The following DPYSL4 variants were observed in gnomAD, a reference collection of about 807,000 sequenced individuals.
The protein encoded by DPYSL4 is dihydropyrimidinase-related protein 4.
Under a neutral mutation model 63.4 loss-of-function variants are expected in DPYSL4, and 43 were observed. The ratio of observed to expected loss-of-function variants is 0.68; its 90% CI spans 0.53 to 0.88. The LOEUF (loss-of-function observed/expected upper bound fraction) is 0.88. Ranked by LOEUF, DPYSL4 falls within the 40% of genes least tolerant of loss-of-function variation. The pLI is 0.00. For missense variants in DPYSL4, 733 were observed against 819.5 expected (o/e 0.89, Z 1.29); for synonymous variants, 353 against 331.7 (o/e 1.06, Z -0.70).
intron 3 of DPYSL4, among the ~76,000 whole-genome samples, chr10:132,194,533 C>T (rs781000784): frequency 2.0e-5 from 3 of 152,204 alleles, no homozygotes; most frequent in East Asian, 1.9e-4. Flanking sequence ...GGCAAAGCCC[C>T]GACCTCCTGT....
At chr10:132,199,474 G>C (rs537640353) in intron 8 of DPYSL4, among the ~76,000 whole-genome samples, 70 of 152,148 alleles carry the variant, frequency 4.6e-4, no homozygotes, top group African/African-American at 1.6e-3. Flanking sequence ...AGGCTACTGG[G>C]CTCAGAGGGT....
chr10:132,203,584 A>C, intron 12 of DPYSL4, 178 bp from the exon 13 acceptor site: 1 of 601,658 alleles, frequency 1.7e-6, no homozygotes, highest in Non-Finnish European at 2.9e-6. Flanking sequence ...GCGTGTGTGA[A>C]CTTGGGTTGA....
chr10:132,195,213 G>C (rs555961485), intron 4 of DPYSL4, among the ~76,000 whole-genome samples: 3 of 152,252 alleles, frequency 2.0e-5, no homozygotes, highest in African/African-American at 7.2e-5. Flanking sequence ...CAATCCGAGG[G>C]ACCCATCCTG....
intron 13 of DPYSL4, among the ~76,000 whole-genome samples, chr10:132,204,348 G>A (rs1212836134): frequency 6.6e-6 from 1 of 152,184 alleles, no homozygotes; most frequent in East Asian, 1.9e-4. Flanking sequence ...GGGCCTGGAG[G>A]GATACACGAG....
intron 3 of DPYSL4, among the ~76,000 whole-genome samples, chr10:132,194,114 G>A (rs1042340371): frequency 3.9e-5 from 6 of 152,254 alleles, no homozygotes; most frequent in African/African-American, 7.2e-5. Context: ...TGTCTTCCTC[G>A]GCCTGCAGGC....
At chr10:132,202,541 G>C in intron 11 of DPYSL4, 105 bp from the exon 12 acceptor site, 3 of 1,444,898 alleles carry the variant, frequency 2.1e-6, no homozygotes, top group Non-Finnish European at 2.8e-6. Context: ...TAGGCACACC[G>C]GGCCTGCTCC....
chr10:132,187,324 AGGCCCGGCCC>A (rs371014123), intron 1 of DPYSL4, among the ~76,000 whole-genome samples: 7 of 149,304 alleles, frequency 4.7e-5, no homozygotes, highest in African/African-American at 1.5e-4. Context: ...CGGGGCGCCC[AGGCCCGGCCC>A]GGCCCGGCCC....
chr10:132,198,334 G>A (rs145948779), intron 6 of DPYSL4, 81 bp from the exon 7 acceptor site: 6 of 1,416,556 alleles, frequency 4.2e-6, no homozygotes, highest in Non-Finnish European at 5.8e-6. Context: ...TGGGGAATGG[G>A]GCCTCCCAGC....
intron 4 of DPYSL4, among the ~76,000 whole-genome samples, chr10:132,196,274 GGA>G (rs2061943114): frequency 6.6e-6 from 1 of 152,202 alleles, no homozygotes; most frequent in Non-Finnish European, 1.5e-5. Context: ...CCAGGAAACA[GGA>G]GAGCTCAGCC....
intron 2 of DPYSL4, 152 bp from the exon 3 acceptor site, chr10:132,192,506 C>T (rs940899072): frequency 3.5e-5 from 49 of 1,399,506 alleles, no homozygotes; most frequent in South Asian, 1.0e-4. Flanking sequence ...CTGGCACTCC[C>T]GAGGAGCTAG....
intron 10 of DPYSL4, 31 bp downstream of exon 10, chr10:132,201,014 C>G: frequency 6.2e-7 from 1 of 1,608,362 alleles, no homozygotes; most frequent in Non-Finnish European, 8.5e-7. Flanking sequence ...GGCACGCCGT[C>G]TGGGGAGCGG....
intron 7 of DPYSL4, 58 bp from the exon 8 acceptor site, chr10:132,198,793 C>T: frequency 1.9e-6 from 3 of 1,599,772 alleles, no homozygotes; most frequent in African/African-American, 2.7e-5. Context: ...CCATTGCCCA[C>T]ACTGGTCTGG....
chr10:132,189,115 G>A (rs1383439173), intron 1 of DPYSL4, among the ~76,000 whole-genome samples: 1 of 152,220 alleles, frequency 6.6e-6, no homozygotes, highest in East Asian at 1.9e-4. Flanking sequence ...GAAGGCTCTA[G>A]CCCCAGGCTA....
chr10:132,203,751 C>A lies in DPYSL4; in HGVS notation c.1462-11C>A, dbSNP rs773827619. On this transcript the variant is annotated splice_polypyrimidine_tract_variant and intron_variant, in intron 12 of 13. Coordinates refer to ENST00000338492, the MANE Select transcript of DPYSL4 (RefSeq NM_006426.3). ...CCTCATGCCCTGTCTCTGCCCCCAC[C>A]CCCCCGGCAGCTGGCGGAGATCCAC... 6 of 1,594,492 alleles carry A rather than the reference C, an allele frequency of 3.8e-6. No individual in the cohort carries two copies. The highest frequency in any genetic ancestry group is 4.5e-5 in the East Asian group (2 of 44,336).
chr10:132,192,863 C>T (rs371986961), intron 3 of DPYSL4, 21 bp downstream of exon 3: 2 of 1,585,332 alleles, frequency 1.3e-6, no homozygotes, highest in Non-Finnish European at 1.7e-6. Context: ...GGGTCTCCTC[C>T]TCTACAGGGG....
At chr10:132,203,276 G>A (rs1446258887) in intron 12 of DPYSL4, among the ~76,000 whole-genome samples, 3 of 73,144 alleles carry the variant, frequency 4.1e-5, no homozygotes, top group East Asian at 1.1e-3. Context: ...GCTCAGCCAC[G>A]GGAGCCCCCC....
chr10:132,194,470 GCCCAGCCTGGCCCTCGGGGTGCCTCA>G (rs1243236776), intron 3 of DPYSL4, among the ~76,000 whole-genome samples: 4 of 152,196 alleles, frequency 2.6e-5, no homozygotes, highest in African/African-American at 9.6e-5. Flanking sequence ...CAGCGCACTG[GCCCAGCCTGGCCCTCGGGGTGCCTCA>G]CCCAGCCTGA....
intron 1 of DPYSL4, 27 bp downstream of exon 1, chr10:132,187,129 G>C: frequency 6.6e-7 from 1 of 1,508,716 alleles, no homozygotes; most frequent in Non-Finnish European, 8.9e-7. Context: ...TTCGCCCGGC[G>C]CCCCCTGCCC....
At chr10:132,201,117 GC>G in intron 10 of DPYSL4, 134 bp downstream of exon 10, 2 of 1,332,320 alleles carry the variant, frequency 1.5e-6, no homozygotes, top group Non-Finnish European at 2.0e-6. Context: ...CTCCGGGGTG[GC>G]GGATTCCCCA....
Sources: gnomAD v4.1 joint callset for allele counts (sites outside exome capture counted in the v4.1 genomes callset) on GRCh38, gnomAD v4.1.1 for gene constraint, MANE v1.5 for transcripts, NCBI Gene and HGNC (gene_info 2026-07-23, HGNC 2026-07-21) for gene names.